CSGALNACT1: variants seen among roughly 807,000 people sequenced by gnomAD.
CSGALNACT1 encodes chondroitin sulfate N-acetylgalactosaminyltransferase 1.
CSGALNACT1 carries 52 observed loss-of-function variants against 51.0 expected under a neutral mutation model. The ratio of observed to expected loss-of-function variants is 1.02; its 90% CI spans 0.82 to 1.29. The LOEUF (loss-of-function observed/expected upper bound fraction) is 1.29. Among genes scored for constraint, CSGALNACT1 ranks in the 50% most tolerant of loss-of-function variants. The probability of loss-of-function intolerance (pLI) is 0.00; values close to 1 mark genes in which losing one functional copy is unlikely to be tolerated. For missense variants in CSGALNACT1, 935 were observed against 679.2 expected (o/e 1.38, Z -4.19); for synonymous variants, 341 against 254.4 (o/e 1.34, Z -3.24).
intron 3 of CSGALNACT1, among the ~76,000 whole-genome samples, chr8:19,558,146 A>C (rs1029346250): frequency 6.6e-6 from 1 of 152,168 alleles, no homozygotes; most frequent in African/African-American, 2.4e-5. Context: ...ACCACCACAG[A>C]ATGTTGTGAA....
intron 6 of CSGALNACT1, among the ~76,000 whole-genome samples, chr8:19,438,190 C>T (rs1052702978): frequency 6.8e-5 from 3 of 43,956 alleles, no homozygotes; most frequent in Non-Finnish European, 1.2e-4. Context: ...TTGGCCGGGG[C>T]GGGGGTCGGG....
chr8:19,709,861 T>C (rs2062395680), intron 1 of CSGALNACT1, among the ~76,000 whole-genome samples: 1 of 152,132 alleles, frequency 6.6e-6, no homozygotes, highest in South Asian at 2.1e-4. Flanking sequence ...GACAGAGCTC[T>C]AGGGCACTCT....
At chr8:19,496,791 A>G (rs994485763) in intron 4 of CSGALNACT1, among the ~76,000 whole-genome samples, 3 of 152,262 alleles carry the variant, frequency 2.0e-5, no homozygotes, top group Admixed American at 6.5e-5. Context: ...CTCAGTGCAG[A>G]TGAGTAGGGC....
chr8:19,527,168 C>A (rs1308564384), intron 3 of CSGALNACT1, among the ~76,000 whole-genome samples: 1 of 151,536 alleles, frequency 6.6e-6, no homozygotes, highest in Non-Finnish European at 1.5e-5. Context: ...AATCAACTAA[C>A]TGCTAGGACA....
intron 6 of CSGALNACT1, among the ~76,000 whole-genome samples, chr8:19,431,518 T>C (rs2059645614): frequency 6.6e-6 from 1 of 152,114 alleles, no homozygotes; most frequent in African/African-American, 2.4e-5. Flanking sequence ...AAATCACACT[T>C]GGTAATTGCA....
At chr8:19,476,120 G>C (rs1007926841) in intron 4 of CSGALNACT1, among the ~76,000 whole-genome samples, 2 of 152,252 alleles carry the variant, frequency 1.3e-5, no homozygotes, top group Admixed American at 6.5e-5. Context: ...AAAAACAATT[G>C]AATAAGATGT....
chr8:19,651,341 T>C (rs1251200582), intron 1 of CSGALNACT1, among the ~76,000 whole-genome samples: 1 of 152,198 alleles, frequency 6.6e-6, no homozygotes, highest in Admixed American at 6.5e-5. Flanking sequence ...TTGCAGACAT[T>C]CTGTACACAG....
chr8:19,595,875 T>G (rs2048779556), intron 2 of CSGALNACT1, among the ~76,000 whole-genome samples: 1 of 150,148 alleles, frequency 6.7e-6, no homozygotes, highest in Non-Finnish European at 1.5e-5. Context: ...TTTTTTTTTT[T>G]TTTTTTGAGA....
intron 3 of CSGALNACT1, among the ~76,000 whole-genome samples, chr8:19,560,397 A>C (rs902163922): frequency 6.6e-6 from 1 of 152,214 alleles, no homozygotes; most frequent in African/African-American, 2.4e-5. Context: ...ATATGACTAC[A>C]TCAAAATTAA....
chr8:19,619,251 G>C (rs188419280), intron 1 of CSGALNACT1, among the ~76,000 whole-genome samples: 39 of 149,012 alleles, frequency 2.6e-4, no homozygotes, highest in African/African-American at 6.5e-4. Flanking sequence ...ACAGGGTCGG[G>C]GGGGGGTGGG....
At chr8:19,554,894 G>C (rs1256283664) in intron 3 of CSGALNACT1, among the ~76,000 whole-genome samples, 2 of 152,060 alleles carry the variant, frequency 1.3e-5, no homozygotes, top group East Asian at 3.8e-4. Flanking sequence ...TTGCAGCCTG[G>C]GTGACAGAGG....
chr8:19,667,058 A>G (rs1203499822), intron 1 of CSGALNACT1, among the ~76,000 whole-genome samples: 1 of 122,510 alleles, frequency 8.2e-6, no homozygotes, highest in Non-Finnish European at 1.8e-5. Context: ...AAAGAAAGAA[A>G]GAAAGAAAGA....
chr8:19,744,109 T>C (rs1050250998), intron 1 of CSGALNACT1, among the ~76,000 whole-genome samples: 1 of 152,224 alleles, frequency 6.6e-6, no homozygotes, highest in Non-Finnish European at 1.5e-5. Flanking sequence ...TTAACAAGTA[T>C]AATGGTGCAA....
intron 3 of CSGALNACT1, among the ~76,000 whole-genome samples, chr8:19,575,714 A>G (rs903620797): frequency 6.6e-6 from 1 of 152,208 alleles, no homozygotes; most frequent in Non-Finnish European, 1.5e-5. Flanking sequence ...TTAGAAGTAT[A>G]AACAAAAGTA....
upstream of CSGALNACT1, among the ~76,000 whole-genome samples, chr8:19,684,178 C>T (rs779506254): frequency 5.2e-4 from 79 of 151,282 alleles, no homozygotes; most frequent in Non-Finnish European, 8.4e-4. Flanking sequence ...AAAAAAAATA[C>T]ATAATAAAGC....
chr8:19,561,138 TA>T (rs2040613529), intron 3 of CSGALNACT1, among the ~76,000 whole-genome samples: 1 of 152,084 alleles, frequency 6.6e-6, no homozygotes, highest in Admixed American at 6.6e-5. Flanking sequence ...GCAATTATCA[TA>T]AAAATGAGAA....
intron 3 of CSGALNACT1, among the ~76,000 whole-genome samples, chr8:19,552,009 T>C (rs573488561): frequency 1.3e-5 from 2 of 152,322 alleles, no homozygotes; most frequent in East Asian, 1.9e-4. Context: ...CACTGGATCA[T>C]ACCCTGGCAA....
intron 1 of CSGALNACT1, among the ~76,000 whole-genome samples, chr8:19,732,892 T>A (rs1472842942): frequency 1.3e-5 from 2 of 152,256 alleles, no homozygotes; most frequent in African/African-American, 2.4e-5. Context: ...ATAATGGATA[T>A]GTTGTTCTTG....
intron 1 of CSGALNACT1, among the ~76,000 whole-genome samples, chr8:19,701,257 G>A (rs2061863598): frequency 7.1e-6 from 1 of 140,872 alleles, no homozygotes; most frequent in African/African-American, 2.6e-5. Context: ...CCAGGTTCAA[G>A]TAATTCTCGT....
Sources: allele counts gnomAD v4.1 joint callset (sites outside exome capture counted in the v4.1 genomes callset), GRCh38; gene constraint gnomAD v4.1.1; transcripts MANE v1.5; gene names NCBI Gene and HGNC (gene_info 2026-07-23, HGNC 2026-07-21).